The following PLXNA2 variants were observed in gnomAD, a reference collection of about 807,000 sequenced individuals.
The protein encoded by PLXNA2 is plexin-A2.
In PLXNA2, 91 loss-of-function variants were observed where a neutral mutation model predicts 193.5. The ratio of observed to expected loss-of-function variants is 0.47; its 90% confidence interval spans 0.40 to 0.56. PLXNA2 has a LOEUF of 0.56. Ranked by LOEUF, PLXNA2 falls within the 20% of genes least tolerant of loss-of-function variation. The pLI, the probability that PLXNA2 is intolerant of heterozygous loss-of-function variation, is 0.00. For missense variants in PLXNA2, 1,995 were observed against 2,503.2 expected, an observed-to-expected ratio of 0.80 and a Z score of 4.33; for synonymous variants, 997 against 1,027.3, an observed-to-expected ratio of 0.97 and a Z score of 0.56.
chr1:208,090,961 C>T (rs1048732640), intron 9 of PLXNA2, among the ~76,000 whole-genome samples: 1 of 152,338 alleles, frequency 6.6e-6, no homozygotes, highest in Admixed American at 6.5e-5. Context: ...CCTCTCCCTG[C>T]AGCTCTGTGT....
At chr1:208,068,459 A>G (rs1245841367) in intron 12 of PLXNA2, among the ~76,000 whole-genome samples, 1 of 152,262 alleles carries the variant, frequency 6.6e-6, no homozygotes, top group Non-Finnish European at 1.5e-5. Context: ...TACTGAAGAC[A>G]GCAATTAAGT....
intron 1 of PLXNA2, among the ~76,000 whole-genome samples, chr1:208,229,331 C>T (rs1268392743): frequency 6.6e-6 from 1 of 152,172 alleles, no homozygotes. Flanking sequence ...GAATTAGAGG[C>T]TCTTTGAAGG....
At chr1:208,176,918 C>T (rs1669677716) in intron 3 of PLXNA2, among the ~76,000 whole-genome samples, 1 of 152,204 alleles carries the variant, frequency 6.6e-6, no homozygotes, top group Non-Finnish European at 1.5e-5. Flanking sequence ...GTCCCCTGAA[C>T]CTGCTGTGCC....
At chr1:208,132,010 A>C (rs1325381098) in intron 4 of PLXNA2, among the ~76,000 whole-genome samples, 1 of 152,070 alleles carries the variant, frequency 6.6e-6, no homozygotes, top group Non-Finnish European at 1.5e-5. Context: ...CTGTCTTCCC[A>C]GGTTCTTGTG....
intron 1 of PLXNA2, among the ~76,000 whole-genome samples, chr1:208,241,249 A>G (rs772645665): frequency 7.2e-5 from 11 of 152,206 alleles, no homozygotes; most frequent in Non-Finnish European, 1.5e-4. Context: ...TTAAGTGCAG[A>G]CTTCAGTAAA....
At chr1:208,139,767 CTTG>C (rs2102480211) in intron 4 of PLXNA2, among the ~76,000 whole-genome samples, 1 of 152,356 alleles carries the variant, frequency 6.6e-6, no homozygotes, top group South Asian at 2.1e-4. Flanking sequence ...CAACTGCTTC[CTTG>C]GAGACATCTG....
In PLXNA2 at chr1:208,065,498, G is replaced by A. The variant is rs538976502; in HGVS notation, c.2587-4661C>T. Among the ~76,000 whole-genome samples, 7 of 152,346 alleles carry A rather than the reference G, an allele frequency of 4.6e-5. 1 individual carries two copies. The highest frequency in any genetic ancestry group is 6.8e-3 in the Middle Eastern group (2 of 294). On this transcript the variant is annotated intron_variant, in intron 12 of 31. Transcript: ENST00000367033. ...AGAGTTCTTAGTATGCTGGTTTAGAGAGTAGGTCTTGATAATTGGTAATCT... is the reference window on the plus strand; with the variant it reads ...AGAGTTCTTAGTATGCTGGTTTAGAAAGTAGGTCTTGATAATTGGTAATCT...
intron 13 of PLXNA2, among the ~76,000 whole-genome samples, chr1:208,059,408 C>A (rs1665543748): frequency 6.6e-6 from 1 of 152,220 alleles, no homozygotes. Flanking sequence ...GCTCTTTCTT[C>A]TCCCTGCTGT....
At chr1:208,127,692 T>A (rs1319927086) in intron 4 of PLXNA2, among the ~76,000 whole-genome samples, 1 of 152,146 alleles carries the variant, frequency 6.6e-6, no homozygotes, top group Non-Finnish European at 1.5e-5. Context: ...GAAAACAACC[T>A]GGTAAAGCTC....
At position 208,087,910 on chromosome 1, in the gene PLXNA2, T is replaced by TAC. The variant is rs139036796; in HGVS notation, c.2098-3332_2098-3331dup. Among the ~76,000 whole-genome samples, 7 of 151,800 alleles carry TAC rather than the reference T, an allele frequency of 4.6e-5. No homozygotes were observed. The South Asian group carries it at 6.3e-4, about 14-fold the overall frequency. On this transcript the variant is annotated intron_variant, in intron 9 of 31. Transcript: ENST00000367033. ...TCCAACCTGTTTGCTTCTGTGGGTA[T>TAC]ACACACACACACAGGCACACACATG...
At chr1:208,213,551 A>T (rs1671030761) in intron 2 of PLXNA2, among the ~76,000 whole-genome samples, 1 of 152,210 alleles carries the variant, frequency 6.6e-6, no homozygotes, top group Non-Finnish European at 1.5e-5. Flanking sequence ...AGCCTTTAGG[A>T]CTAGCTGCTA....
intron 3 of PLXNA2, among the ~76,000 whole-genome samples, chr1:208,144,287 C>T (rs191934664): frequency 4.6e-5 from 7 of 152,226 alleles, no homozygotes; most frequent in Non-Finnish European, 8.8e-5. Context: ...TCTTATTGGC[C>T]GAGTGGGGAA....
chr1:208,194,985 T>C (rs1484957455), intron 3 of PLXNA2, among the ~76,000 whole-genome samples: 1 of 152,108 alleles, frequency 6.6e-6, no homozygotes, highest in Non-Finnish European at 1.5e-5. Context: ...ACGCTGAAGT[T>C]TTAATAAGCC....
intron 8 of PLXNA2, among the ~76,000 whole-genome samples, chr1:208,094,733 T>G (rs1386138493): frequency 6.6e-6 from 1 of 152,226 alleles, no homozygotes; most frequent in East Asian, 1.9e-4. Context: ...CCAGGCCATT[T>G]CTATCACTTG....
intron 4 of PLXNA2, among the ~76,000 whole-genome samples, chr1:208,120,395 C>T (rs938660652): frequency 6.6e-6 from 1 of 152,174 alleles, no homozygotes; most frequent in Non-Finnish European, 1.5e-5. Flanking sequence ...TGAAGACAGA[C>T]TGTGAGGCCA....
intron 29 of PLXNA2, 42 bp from the exon 30 acceptor site, chr1:208,029,084 C>T (rs372177730): frequency 6.8e-6 from 11 of 1,608,270 alleles, no homozygotes; most frequent in South Asian, 2.2e-5. Context: ...GCATGCGGGC[C>T]GTGCCCCTTC....
intron 3 of PLXNA2, among the ~76,000 whole-genome samples, chr1:208,147,468 C>T (rs895545655): frequency 6.6e-6 from 1 of 152,108 alleles, no homozygotes; most frequent in Non-Finnish European, 1.5e-5. Flanking sequence ...TTAAATGTGG[C>T]CCTGCCTGAA....
intron 3 of PLXNA2, among the ~76,000 whole-genome samples, chr1:208,191,469 G>A (rs1670179238): frequency 6.6e-6 from 1 of 152,106 alleles, no homozygotes; most frequent in African/African-American, 2.4e-5. Context: ...AAAAGAAAAA[G>A]GACAATTATA....
chr1:208,147,407 A>G (rs1047849222), intron 3 of PLXNA2, among the ~76,000 whole-genome samples: 2 of 149,142 alleles, frequency 1.3e-5, no homozygotes, highest in Middle Eastern at 3.2e-3. Flanking sequence ...GGAGACTGTA[A>G]TCTCCTTCTC....
Sources: gnomAD v4.1 joint callset for allele counts (sites outside exome capture counted in the v4.1 genomes callset) on GRCh38, gnomAD v4.1.1 for gene constraint, MANE v1.5 for transcripts, NCBI Gene and HGNC (gene_info 2026-07-23, HGNC 2026-07-21) for gene names.